Variants in SNX8 observed in about 807,000 individuals in gnomAD.
The protein encoded by SNX8 is sorting nexin-8.
In SNX8, 25 loss-of-function variants were observed where a neutral mutation model predicts 51.6. That is an observed-to-expected ratio of 0.48 (90% CI 0.35 to 0.68). SNX8 has a LOEUF of 0.68. SNX8 is among the 30% of genes least tolerant of loss of function. The probability of loss-of-function intolerance (pLI) is 0.00; values close to 1 mark genes in which losing one functional copy is unlikely to be tolerated. For missense variants in SNX8, 695 were observed against 624.0 expected, an observed-to-expected ratio of 1.11 and a Z score of -1.21; for synonymous variants, 324 against 277.0, an observed-to-expected ratio of 1.17 and a Z score of -1.68.
At chr7:2,343,959 G>T (rs944832742) in intron 1 of SNX8, among the ~76,000 whole-genome samples, 1 of 151,672 alleles carries the variant, frequency 6.6e-6, no homozygotes, top group Non-Finnish European at 1.5e-5. Flanking sequence ...CTTGAACTGG[G>T]GAGGTGGAGG....
At chr7:2,263,903 G>C (rs1264214189) in intron 6 of SNX8, among the ~76,000 whole-genome samples, 1 of 152,020 alleles carries the variant, frequency 6.6e-6, no homozygotes, top group Admixed American at 6.6e-5. Context: ...TTTTAGTAGA[G>C]ACGGGTTTCA....
At chr7:2,258,520 T>C (rs1402908372) in intron 7 of SNX8, among the ~76,000 whole-genome samples, 1 of 150,898 alleles carries the variant, frequency 6.6e-6, no homozygotes, top group African/African-American at 2.4e-5. Context: ...CGAGTTCCCA[T>C]ATAACGCTGT....
At chr7:2,311,330 C>G (rs574622202) in intron 1 of SNX8, among the ~76,000 whole-genome samples, 11 of 152,320 alleles carry the variant, frequency 7.2e-5, no homozygotes, top group African/African-American at 2.6e-4. Context: ...AAGTCACACA[C>G]ATAGTCTCCG....
intron 1 of SNX8, among the ~76,000 whole-genome samples, chr7:2,303,649 C>T (rs1796467997): frequency 6.6e-6 from 1 of 152,146 alleles, no homozygotes; most frequent in African/African-American, 2.4e-5. Flanking sequence ...TGATCTGTGA[C>T]CTTACCACCA....
intron 1 of SNX8, among the ~76,000 whole-genome samples, chr7:2,293,445 G>A (rs1186729644): frequency 1.3e-5 from 2 of 151,754 alleles, no homozygotes; most frequent in Non-Finnish European, 2.9e-5. Flanking sequence ...CATGAGGTCA[G>A]GAGATCGAGA....
intron 1 of SNX8, among the ~76,000 whole-genome samples, chr7:2,304,327 G>T (rs537531404): frequency 6.6e-6 from 1 of 151,524 alleles, no homozygotes; most frequent in Non-Finnish European, 1.5e-5. Context: ...GGCAGATCAC[G>T]AGGTCAGGAG....
chr7:2,312,920 C>T (rs1047536256), intron 1 of SNX8, among the ~76,000 whole-genome samples: 3 of 152,096 alleles, frequency 2.0e-5, no homozygotes, highest in South Asian at 4.2e-4. Context: ...TTTTTTGAGG[C>T]GGAGTCTCGC....
At chr7:2,291,974 T>G (rs1179504507) in intron 1 of SNX8, among the ~76,000 whole-genome samples, 2 of 152,176 alleles carry the variant, frequency 1.3e-5, no homozygotes, top group Non-Finnish European at 2.9e-5. Flanking sequence ...TTCAAAAGCA[T>G]GAGGCATGGC....
At chr7:2,314,941 G>A (rs1250148775), upstream of SNX8, among the ~76,000 whole-genome samples, 2 of 135,380 alleles carry the variant, frequency 1.5e-5, no homozygotes, top group African/African-American at 5.7e-5. Flanking sequence ...CTCACTCACC[G>A]CATCCTGCAT....
At chr7:2,314,120 G>A (rs1008448982) in intron 1 of SNX8, among the ~76,000 whole-genome samples, 1 of 151,768 alleles carries the variant, frequency 6.6e-6, no homozygotes, top group African/African-American at 2.4e-5. Context: ...CCCGAGGGAC[G>A]GAGGCGCGAG....
At chr7:2,350,618 A>G (rs755543876) in intron 1 of SNX8, among the ~76,000 whole-genome samples, 1 of 152,088 alleles carries the variant, frequency 6.6e-6, no homozygotes, top group African/African-American at 2.4e-5. Flanking sequence ...AGCTTGGGCT[A>G]ACAGTGAGAC....
intron 1 of SNX8, among the ~76,000 whole-genome samples, chr7:2,352,752 C>T (rs1475388631): frequency 1.3e-5 from 2 of 151,912 alleles, no homozygotes; most frequent in African/African-American, 4.8e-5. Context: ...AAGAGAATGG[C>T]GTGAACCCGG....
chr7:2,304,557 AT>A (rs1796504776), intron 1 of SNX8, among the ~76,000 whole-genome samples: 1 of 151,956 alleles, frequency 6.6e-6, no homozygotes, highest in Non-Finnish European at 1.5e-5. Flanking sequence ...AAAAAAAAAA[AT>A]TCCATCTCCC....
chr7:2,303,837 G>A (rs1391367185), intron 1 of SNX8, among the ~76,000 whole-genome samples: 3 of 151,958 alleles, frequency 2.0e-5, no homozygotes, highest in Non-Finnish European at 2.9e-5. Flanking sequence ...AGGGTCCTCT[G>A]CCTAGGAAAA....
chr7:2,257,311 A>G (rs1795211315), intron 9 of SNX8, 54 bp downstream of exon 9: 4 of 1,567,122 alleles, frequency 2.6e-6, no homozygotes, highest in Non-Finnish European at 3.4e-6. Flanking sequence ...GGGTCCCACC[A>G]TGGCCGGGAG....
chr7:2,324,543 A>G (rs573950084), intron 1 of SNX8, among the ~76,000 whole-genome samples: 85 of 152,126 alleles, frequency 5.6e-4, no homozygotes, highest in African/African-American at 1.9e-3. Context: ...TGCCCACCTC[A>G]GCCTCCTAAA....
rs1192718129 is a variant in SNX8 at position 2,274,839 on chromosome 7, C to G, written c.418+273G>C. The G allele has an allele frequency of 6.9e-6, 3 of 431,946 alleles. No individual in the cohort carries two copies. The East Asian group carries it at 1.3e-4, about 18-fold the overall frequency. The allele number at this position is 431,946 out of a possible 1,614,324, so 26.8% of individuals were successfully genotyped here. A position where few individuals can be genotyped will look rare whatever the true frequency, so the allele number is the denominator to read the frequency against. On this transcript the variant is annotated intron_variant, in intron 3 of 10. Coordinates refer to ENST00000222990, the MANE Select transcript of SNX8 (RefSeq NM_013321.4). The stretch of plus-strand genomic sequence containing the variant: ...CACTCTGGAGAGGAGAACTAGGGTT[C>G]TCTTTCACACCTGCACAGCAAGGGC...
intron 1 of SNX8, among the ~76,000 whole-genome samples, chr7:2,329,961 T>A (rs12699838): frequency 0.55 from 60,773 of 110,240 alleles, 15,410 homozygotes; most frequent in East Asian, 0.63. Context: ...CCCCGCCCCA[T>A]GTAGCTGAGA....
Position 2,298,252 on chromosome 7 carries a change from G to T in SNX8, c.94+16076C>A, listed in dbSNP as rs182021829. Among the ~76,000 whole-genome samples the T allele has an allele frequency of 8.7e-4, 133 of 152,086 alleles. 3 individuals carry two copies. The highest frequency in any genetic ancestry group is 2.9e-3 in the African/African-American group (122 of 41,410). On this transcript the variant is annotated intron_variant, in intron 1 of 10. Transcript: ENST00000222990. ...CCTGCCTCAGACTCCCGAGTAGCCGGGGCTACAGGCCTGCCCCATCATGTG... is the reference window on the plus strand; with the variant it reads ...CCTGCCTCAGACTCCCGAGTAGCCGTGGCTACAGGCCTGCCCCATCATGTG...
Sources: gnomAD v4.1 joint callset for allele counts (sites outside exome capture counted in the v4.1 genomes callset) on GRCh38, gnomAD v4.1.1 for gene constraint, MANE v1.5 for transcripts, NCBI Gene and HGNC (gene_info 2026-07-23, HGNC 2026-07-21) for gene names.